AOAH: variants seen among roughly 807,000 people sequenced by gnomAD.
The protein encoded by AOAH is acyloxyacyl hydrolase.
AOAH carries 64 observed loss-of-function variants against 92.2 expected under a neutral mutation model. The observed-to-expected ratio is 0.69, with a 90% CI of 0.57 to 0.86. The LOEUF (loss-of-function observed/expected upper bound fraction) is 0.86, where lower values mean the gene tolerates loss of function less well. AOAH is among the 40% of genes least tolerant of loss of function. AOAH has a pLI of 0.00. For synonymous variants in AOAH, 263 were observed against 254.5 expected (o/e 1.03, Z -0.32); for missense variants, 656 against 694.6 (o/e 0.94, Z 0.62).
chr7:36,678,367 T>C (rs1162659356), intron 2 of AOAH, among the ~76,000 whole-genome samples: 1 of 152,154 alleles, frequency 6.6e-6, no homozygotes, highest in Admixed American at 6.5e-5. Context: ...TTTGGGGACT[T>C]TTGTAAGAGA....
chr7:36,637,976 A>AAATT, intron 4 of AOAH, 66 bp from the exon 5 acceptor site: 1 of 1,321,174 alleles, frequency 7.6e-7, no homozygotes, highest in Non-Finnish European at 1.1e-6. Flanking sequence ...ATCTTTTCTA[A>AAATT]AATTAGGATA....
At chr7:36,718,206 G>A (rs1799367905) in intron 1 of AOAH, among the ~76,000 whole-genome samples, 1 of 152,090 alleles carries the variant, frequency 6.6e-6, no homozygotes, top group Non-Finnish European at 1.5e-5. Flanking sequence ...CACATGAAAA[G>A]ATGCTAACAT....
intron 4 of AOAH, among the ~76,000 whole-genome samples, chr7:36,644,397 C>T (rs1266668455): frequency 6.6e-6 from 1 of 152,088 alleles, no homozygotes; most frequent in Non-Finnish European, 1.5e-5. Flanking sequence ...AAGAAAGCCA[C>T]ACCATGCATT....
intron 2 of AOAH, among the ~76,000 whole-genome samples, chr7:36,679,270 G>A (rs1246866589): frequency 2.7e-5 from 4 of 149,562 alleles, no homozygotes; most frequent in Middle Eastern, 3.4e-3. Context: ...ATGTACCTTA[G>A]AACTTAAAGT....
At position 36,601,809 on chromosome 7, in the gene AOAH, C is replaced by T. The variant is rs761303175; in HGVS notation, c.847-7379G>A. Among the ~76,000 whole-genome samples the T allele has an allele frequency of 4.6e-5, 7 of 152,126 alleles. No homozygotes were observed. In the South Asian group the frequency reaches 6.2e-4, roughly 14 times the overall value. ...GTCCTGGAAGGCTAGGAAGAGAGAA[C>T]CAAGCACAGAGGGGCCAGGGGGAAA... On this transcript the variant is annotated intron_variant, in intron 11 of 20. Transcript: ENST00000617537.
At chr7:36,659,077 A>C in intron 4 of AOAH, 89 bp downstream of exon 4, 2 of 1,056,526 alleles carry the variant, frequency 1.9e-6, no homozygotes, top group Non-Finnish European at 3.0e-6. Flanking sequence ...CAAAACACTG[A>C]GCGAGTAAAA....
intron 1 of AOAH, 31 bp downstream of exon 1, chr7:36,723,991 A>G (rs1241510897): frequency 5.6e-6 from 9 of 1,606,272 alleles, no homozygotes; most frequent in African/African-American, 1.3e-5. Flanking sequence ...TTATGTCTAC[A>G]TAGAAAATAC....
intron 1 of AOAH, among the ~76,000 whole-genome samples, chr7:36,716,869 T>C (rs897876891): frequency 1.3e-5 from 2 of 151,946 alleles, no homozygotes; most frequent in African/African-American, 4.8e-5. Context: ...ATATACCTAA[T>C]GTTAAATGAT....
intron 3 of AOAH, among the ~76,000 whole-genome samples, chr7:36,662,956 C>T (rs1467938209): frequency 6.6e-6 from 1 of 152,166 alleles, no homozygotes; most frequent in African/African-American, 2.4e-5. Flanking sequence ...AAATTTAAAA[C>T]CACTAGAATG....
intron 11 of AOAH, 58 bp downstream of exon 11, chr7:36,616,322 A>G: frequency 5.0e-6 from 7 of 1,405,492 alleles, no homozygotes; most frequent in Non-Finnish European, 7.0e-6. Context: ...AGAGAGAGCA[A>G]GAGGAAACAA....
intron 1 of AOAH, among the ~76,000 whole-genome samples, chr7:36,687,544 T>C (rs957135810): frequency 2.6e-5 from 4 of 151,952 alleles, no homozygotes; most frequent in Non-Finnish European, 5.9e-5. Context: ...AACCTTTTTT[T>C]TTTTTTCCAA....
intron 4 of AOAH, among the ~76,000 whole-genome samples, chr7:36,651,980 A>G (rs143541229): frequency 1.5e-3 from 234 of 152,242 alleles, no homozygotes; most frequent in African/African-American, 5.5e-3. Flanking sequence ...GCACTCCACA[A>G]AGAAGACCAG....
At chr7:36,524,754 A>G (rs1274376218) in intron 19 of AOAH, among the ~76,000 whole-genome samples, 1 of 151,328 alleles carries the variant, frequency 6.6e-6, no homozygotes, top group East Asian at 1.9e-4. Flanking sequence ...TTTTTTTTAA[A>G]CCATGTGAGG....
chr7:36,673,077 T>G (rs1348768721), intron 3 of AOAH, among the ~76,000 whole-genome samples: 1 of 152,094 alleles, frequency 6.6e-6, no homozygotes, highest in African/African-American at 2.4e-5. Context: ...AAAGTTATGG[T>G]CAAGGTCCTA....
At chr7:36,646,536 T>C (rs979499472) in intron 4 of AOAH, among the ~76,000 whole-genome samples, 1 of 152,260 alleles carries the variant, frequency 6.6e-6, no homozygotes, top group African/African-American at 2.4e-5. Context: ...TACTCTATGT[T>C]ACACAACAAA....
chr7:36,709,809 T>C (rs897192444), intron 1 of AOAH, among the ~76,000 whole-genome samples: 1 of 151,892 alleles, frequency 6.6e-6, no homozygotes, highest in South Asian at 2.1e-4. Flanking sequence ...ATTTCCAGAG[T>C]GTGAAATCCA....
At chr7:36,598,222 C>T (rs923318662) in intron 11 of AOAH, 1 of 152,162 alleles carries the variant, frequency 6.6e-6, no homozygotes, top group African/African-American at 2.4e-5. Context: ...GAATCATCCC[C>T]ATTAGGATTT....
chr7:36,655,130 C>A (rs990304877), intron 4 of AOAH, among the ~76,000 whole-genome samples: 2 of 152,186 alleles, frequency 1.3e-5, no homozygotes, highest in Non-Finnish European at 2.9e-5. Context: ...CATGTGCTTG[C>A]ATCTTAGTGA....
intron 12 of AOAH, among the ~76,000 whole-genome samples, chr7:36,580,807 TG>T (rs1239415267): frequency 6.6e-6 from 1 of 152,218 alleles, no homozygotes; most frequent in African/African-American, 2.4e-5. Context: ...TGTCAGCATC[TG>T]TGGGACTCTC....
Sources: gnomAD v4.1 joint callset for allele counts (sites outside exome capture counted in the v4.1 genomes callset) on GRCh38, gnomAD v4.1.1 for gene constraint, MANE v1.5 for transcripts, NCBI Gene and HGNC (gene_info 2026-07-23, HGNC 2026-07-21) for gene names.